The following HDX variants were observed in gnomAD, a reference collection of about 807,000 sequenced individuals.
HDX encodes the protein highly divergent homeobox.
Under a neutral mutation model 45.2 loss-of-function variants are expected in HDX, and 19 were observed. The ratio of observed to expected loss-of-function variants is 0.42; its 90% CI spans 0.29 to 0.62. The LOEUF (loss-of-function observed/expected upper bound fraction) is 0.62, where lower values mean the gene tolerates loss of function less well. Among genes scored for constraint, HDX ranks in the 20% least tolerant of loss-of-function variants. The probability of loss-of-function intolerance (pLI) is 0.20; values close to 1 mark genes in which losing one functional copy is unlikely to be tolerated. For synonymous variants in HDX, 188 were observed against 172.8 expected (o/e 1.09, Z -0.69); for missense variants, 532 against 493.9 (o/e 1.08, Z -0.73).
chrX:84,460,388 T>TA (rs2040213857), intron 4 of HDX, among the ~76,000 whole-genome samples: 1 of 112,109 alleles, frequency 8.9e-6, no homozygotes, highest in Admixed American at 9.4e-5. Flanking sequence ...TGGTTAAACT[T>TA]ATGCAAATTA....
intron 5 of HDX, among the ~76,000 whole-genome samples, chrX:84,370,720 T>C: frequency 8.9e-6 from 1 of 112,409 alleles, no homozygotes; most frequent in Non-Finnish European, 1.9e-5. Context: ...AATGCTCTGC[T>C]AGGGAAATGT....
chrX:84,470,064 CTCA>C (rs1192034209), intron 3 of HDX, among the ~76,000 whole-genome samples: 5 of 111,801 alleles, frequency 4.5e-5, no homozygotes, highest in Non-Finnish European at 9.4e-5. Flanking sequence ...AATCTTTAGA[CTCA>C]TCAACTTCCA....
At chrX:84,375,227 T>G (rs2038019654) in intron 5 of HDX, among the ~76,000 whole-genome samples, 1 of 109,572 alleles carries the variant, frequency 9.1e-6, no homozygotes, top group Non-Finnish European at 1.9e-5. Context: ...ATGGCAATCA[T>G]TAAAAAGTCA....
Position 84,347,410 on chromosome X carries a change from C to T in HDX, c.1453-2953G>A, listed in dbSNP as rs184406275. Among the ~76,000 whole-genome samples the T allele has an allele frequency of 2.6e-3, 290 of 111,001 alleles. 2 individuals are homozygous for T. The highest frequency in any genetic ancestry group is 9.2e-3 in the African/African-American group (280 of 30,594). On this transcript the variant is annotated intron_variant, in intron 6 of 10. Coordinates refer to ENST00000373177, the MANE Select transcript of HDX (RefSeq NM_001177479.2). ...GGAGTTTAGATTATTTATTTGAGAG[C>T]TTCCTGTTTTCTAATGTATACATTA...
intron 5 of HDX, among the ~76,000 whole-genome samples, chrX:84,406,880 A>T (rs764739641): frequency 9.0e-6 from 1 of 111,369 alleles, no homozygotes; most frequent in East Asian, 2.8e-4. Flanking sequence ...GTCATTAATT[A>T]TTAATTTCCC....
chrX:84,417,218 G>GAAAGAA (rs61537095), intron 5 of HDX, among the ~76,000 whole-genome samples: 2 of 100,250 alleles, frequency 2.0e-5, no homozygotes, highest in Non-Finnish European at 4.0e-5. Flanking sequence ...AAAAAAAAGA[G>GAAAGAA]AGAAAGAAAG....
At chrX:84,492,165 C>T (rs73239202) in intron 1 of HDX, among the ~76,000 whole-genome samples, 168 of 111,184 alleles carry the variant, frequency 1.5e-3, no homozygotes, top group Non-Finnish European at 2.5e-3. Context: ...GGAAACTTTC[C>T]CAAGGCAGTA....
In HDX at chrX:84,321,869, T is replaced by C; in HGVS notation, c.*20A>G. 8.5e-7 allele frequency: 1 copy of C among 1,181,850 alleles called. No individual in the cohort carries two copies. Among genetic ancestry groups the C allele is most frequent in the South Asian group, 1.9e-5 (1 of 52,774 alleles). On this transcript the variant is annotated 3_prime_UTR_variant, in exon 11 of 11. Coordinates refer to ENST00000373177, the MANE Select transcript of HDX (RefSeq NM_001177479.2). ...GTTACGAAGCCAAAAGACTGTATCA[T>C]ATATTCCCTCCAACTGAAATCACAA...
At chrX:84,363,988 A>G (rs1339619998) in intron 5 of HDX, among the ~76,000 whole-genome samples, 1 of 111,743 alleles carries the variant, frequency 8.9e-6, no homozygotes, top group Admixed American at 9.6e-5. Context: ...ACTGTACTTA[A>G]CAAGTGACTT....
chrX:84,322,031 A>G lies in HDX; in HGVS notation c.1948-17T>C, dbSNP rs1569271820. 3.7e-6 allele frequency: 4 copies of G among 1,088,052 alleles called. No homozygotes were observed. The allele number at this position is 1,088,052 out of a possible 1,213,427, so 89.7% of individuals were successfully genotyped here. Reference sequence around the variant, plus strand: ...CAGCAGTGCCTGAATAAAAAAAATAATATTTTTGGATTAGTATGTGGATAG... The same window carrying G: ...CAGCAGTGCCTGAATAAAAAAAATAGTATTTTTGGATTAGTATGTGGATAG... On this transcript the variant is annotated splice_polypyrimidine_tract_variant and intron_variant, in intron 10 of 10. Coordinates refer to ENST00000373177, the MANE Select transcript of HDX (RefSeq NM_001177479.2).
At chrX:84,488,605 C>T (rs1382616843) in intron 1 of HDX, among the ~76,000 whole-genome samples, 1 of 110,950 alleles carries the variant, frequency 9.0e-6, no homozygotes, top group African/African-American at 3.3e-5. Context: ...GAAAATTCCC[C>T]AGTTGCCACT....
chrX:84,501,038 G>T (rs1477813955), intron 1 of HDX, among the ~76,000 whole-genome samples: 1 of 111,108 alleles, frequency 9.0e-6, no homozygotes, highest in Admixed American at 9.6e-5. Flanking sequence ...GGCTTTCAAA[G>T]GAAAATTTAC....
chrX:84,472,034 G>A (rs1422877916), intron 3 of HDX, among the ~76,000 whole-genome samples: 1 of 109,354 alleles, frequency 9.1e-6, no homozygotes, highest in African/African-American at 3.3e-5. Context: ...AAAAATTAAT[G>A]GGAAAGCACA....
intron 4 of HDX, among the ~76,000 whole-genome samples, chrX:84,467,579 T>A (rs2040376143): frequency 1.0e-5 from 1 of 100,049 alleles, no homozygotes; most frequent in South Asian, 4.6e-4. Context: ...TGAGCCAAGA[T>A]CACGTCACTG....
At chrX:84,366,146 A>G (rs1450520863) in intron 5 of HDX, among the ~76,000 whole-genome samples, 1 of 112,107 alleles carries the variant, frequency 8.9e-6, no homozygotes, top group Non-Finnish European at 1.9e-5. Flanking sequence ...CTCAGGATAC[A>G]AAATCAATGT....
At chrX:84,425,869 TAGAA>T (rs1390749005) in intron 5 of HDX, among the ~76,000 whole-genome samples, 1 of 109,615 alleles carries the variant, frequency 9.1e-6, no homozygotes, top group Non-Finnish European at 1.9e-5. Flanking sequence ...GAAAAAAAAA[TAGAA>T]TGAATGAGAC....
intron 8 of HDX, among the ~76,000 whole-genome samples, chrX:84,335,270 A>G (rs2147779205): frequency 9.0e-6 from 1 of 110,526 alleles, no homozygotes; most frequent in African/African-American, 3.3e-5. Context: ...GAGCTAGGCA[A>G]TTCAGGGAGG....
chrX:84,414,893 A>G (rs902992341), intron 5 of HDX, among the ~76,000 whole-genome samples: 27 of 112,275 alleles, frequency 2.4e-4, no homozygotes, highest in African/African-American at 8.7e-4. Flanking sequence ...ACAAAGTACA[A>G]TAAATATGCT....
chrX:84,411,209 A>C, intron 5 of HDX, among the ~76,000 whole-genome samples: 1 of 110,323 alleles, frequency 9.1e-6, no homozygotes. Context: ...TGGTTTGGGG[A>C]TTTATTTGCT....
Sources: allele counts gnomAD v4.1 joint callset (sites outside exome capture counted in the v4.1 genomes callset), GRCh38; gene constraint gnomAD v4.1.1; transcripts MANE v1.5; gene names NCBI Gene and HGNC (gene_info 2026-07-23, HGNC 2026-07-21).